Variants in RAD52 observed in about 807,000 individuals in gnomAD.
RAD52 encodes DNA repair protein RAD52 homolog.
Under a neutral mutation model 55.5 loss-of-function variants are expected in RAD52, and 47 were observed. The ratio of observed to expected loss-of-function variants is 0.85; its 90% confidence interval spans 0.67 to 1.08. The LOEUF is 1.08. RAD52 is among the 50% of genes least tolerant of loss of function. RAD52 has a pLI of 0.00. For missense variants in RAD52, 468 were observed against 522.8 expected (o/e 0.90, Z 1.02); for synonymous variants, 184 against 198.9 (o/e 0.92, Z 0.63).
upstream of RAD52, among the ~76,000 whole-genome samples, chr12:951,792 C>CT (rs1330208611): frequency 2.0e-5 from 3 of 151,682 alleles, no homozygotes; most frequent in Non-Finnish European, 4.4e-5. Context: ...TGATTTTAAC[C>CT]TTTTTTTGTT....
intron 1 of RAD52, 140 bp from the exon 2 acceptor site, chr12:933,216 T>C (rs1957433143): frequency 1.7e-6 from 1 of 582,308 alleles, no homozygotes; most frequent in African/African-American, 1.9e-5. Context: ...CCCAGCACTT[T>C]GGGAGGCCGA....
chr12:956,358 A>C (rs935129598), intron 1 of RAD52, among the ~76,000 whole-genome samples: 2 of 152,150 alleles, frequency 1.3e-5, no homozygotes, highest in Non-Finnish European at 2.9e-5. Flanking sequence ...ATAAGTTATT[A>C]ATCATTTTTA....
At chr12:988,074 G>A (rs1449227555) in intron 1 of RAD52, among the ~76,000 whole-genome samples, 1 of 152,120 alleles carries the variant, frequency 6.6e-6, no homozygotes, top group Non-Finnish European at 1.5e-5. Context: ...CCAGGATGAG[G>A]TAATACTTAC....
At chr12:976,328 A>AT (rs1368789507) in intron 1 of RAD52, 1 of 152,240 alleles carries the variant, frequency 6.6e-6, no homozygotes, top group Admixed American at 6.6e-5. Context: ...TCAAAAAAAA[A>AT]GCCCCAAACT....
chr12:946,183 G>A (rs1958219185), intron 1 of RAD52, among the ~76,000 whole-genome samples: 1 of 152,112 alleles, frequency 6.6e-6, no homozygotes, highest in African/African-American at 2.4e-5. Flanking sequence ...ATAGTATGAA[G>A]AGCATTTTAG....
intron 1 of RAD52, among the ~76,000 whole-genome samples, chr12:981,098 G>C (rs937908997): frequency 2.0e-5 from 3 of 151,980 alleles, no homozygotes; most frequent in African/African-American, 4.8e-5. Context: ...GGGAGGCTGA[G>C]GTGGGCAGAT....
Position 930,154 on chromosome 12 carries a change from CA to C in RAD52, c.187-11del. 6.3e-7 allele frequency: 1 copy of C among 1,594,948 alleles called. No individual in the cohort carries two copies. The highest frequency in any genetic ancestry group is 2.2e-5 in the East Asian group (1 of 44,718). ...CCTCAATGTAGCACACCTAGAAAAA[CA>C]AATGTTTTTAAGGAAAAGCTGTGTT... On this transcript the variant is annotated splice_polypyrimidine_tract_variant and intron_variant, in intron 3 of 11. Transcript: ENST00000358495.
At chr12:937,339 C>T (rs1034550313) in intron 1 of RAD52, among the ~76,000 whole-genome samples, 1 of 152,114 alleles carries the variant, frequency 6.6e-6, no homozygotes, top group Non-Finnish European at 1.5e-5. Flanking sequence ...ATAGCACATA[C>T]GCTCTTGCCT....
At chr12:926,853 C>T (rs766171758) in intron 6 of RAD52, 8 of 1,536,796 alleles carry the variant, frequency 5.2e-6, no homozygotes, top group South Asian at 1.2e-5. Flanking sequence ...TCTGTGCACT[C>T]GCAGTAGGAG....
chr12:975,342 A>G (rs1002836612), intron 1 of RAD52: 1 of 152,150 alleles, frequency 6.6e-6, no homozygotes, highest in Non-Finnish European at 1.5e-5. Context: ...CAATACAAAC[A>G]TTTATCAGGT....
Position 987,561 on chromosome 12 carries a change from C to CT in RAD52, c.-19+2247dup, listed in dbSNP as rs201062804. 8.3e-3 allele frequency among the ~76,000 whole-genome samples: 1,162 copies of CT among 139,936 alleles called. 7 individuals are homozygous for CT. Among genetic ancestry groups the CT allele is most frequent in the African/African-American group, 0.02 (783 of 38,410 alleles). 91.8% of individuals were successfully genotyped at this position (139,936 alleles called of 152,430 possible). ...CACCCCTTTGTATATTTATTGTTTTCTTTTTTTTTTTTTTCCTGAGACAGG... is the reference window on the plus strand; with the variant it reads ...CACCCCTTTGTATATTTATTGTTTTCTTTTTTTTTTTTTTTCCTGAGACAGG... On this transcript the variant is annotated intron_variant, in intron 1 of 11. Transcript: ENST00000430095.
chr12:918,632 A>G (rs1189467435), intron 7 of RAD52, among the ~76,000 whole-genome samples: 1 of 151,818 alleles, frequency 6.6e-6, no homozygotes, highest in African/African-American at 2.4e-5. Context: ...CTGGTCTCCA[A>G]CTCTTGGGCT....
At position 916,941 on chromosome 12, in the gene RAD52, T is replaced by G. The variant is rs931127631; in HGVS notation, c.544-121A>C. 4 of 1,361,364 alleles carry G rather than the reference T, an allele frequency of 2.9e-6. No homozygotes were observed. The African/African-American group carries it at 4.4e-5, about 15-fold the overall frequency. The allele number at this position is 1,361,364 out of a possible 1,614,324, so 84.3% of individuals were successfully genotyped here. A position where few individuals can be genotyped will look rare whatever the true frequency, so the allele number is the denominator to read the frequency against. On this transcript the variant is annotated intron_variant, in intron 7 of 11. Coordinates refer to ENST00000358495, the MANE Select transcript of RAD52 (RefSeq NM_134424.4). Reference sequence around the variant, plus strand: ...TTGACATCCTCCATCCATCACGCCTTCTAGGTCCTGTAACTCCATGAGCAG... The same window carrying G: ...TTGACATCCTCCATCCATCACGCCTGCTAGGTCCTGTAACTCCATGAGCAG...
intron 1 of RAD52, among the ~76,000 whole-genome samples, chr12:945,261 G>C (rs1958149456): frequency 6.6e-6 from 1 of 151,450 alleles, no homozygotes; most frequent in South Asian, 2.1e-4. Flanking sequence ...TAAGGCACAA[G>C]AATCGCTTGA....
At chr12:951,951 CT>C (rs900786192), upstream of RAD52, among the ~76,000 whole-genome samples, 12 of 151,096 alleles carry the variant, frequency 7.9e-5, no homozygotes, top group Non-Finnish European at 1.2e-4. Context: ...ATATTGTTTT[CT>C]TTTTTTTTAT....
chr12:932,853 C>T (rs1391785511), intron 2 of RAD52, 122 bp downstream of exon 2: 2 of 680,238 alleles, frequency 2.9e-6, no homozygotes, highest in Admixed American at 2.2e-5. Context: ...ACTGCTCACA[C>T]ACGTACTAGG....
At chr12:980,119 G>C (rs1958991835) in intron 1 of RAD52, among the ~76,000 whole-genome samples, 1 of 152,028 alleles carries the variant, frequency 6.6e-6, no homozygotes, top group African/African-American at 2.4e-5. Flanking sequence ...GAACCTGCGA[G>C]GCGGAGGTTG....
chr12:937,334 A>C (rs1400005129), intron 1 of RAD52, among the ~76,000 whole-genome samples: 1 of 151,872 alleles, frequency 6.6e-6, no homozygotes, highest in Non-Finnish European at 1.5e-5. Context: ...AAATAATAGC[A>C]CATACGCTCT....
rs1054088649 is a variant in RAD52 at position 946,754 on chromosome 12, G to A, written c.-19+2848C>T. 3.5e-4 allele frequency among the ~76,000 whole-genome samples: 53 copies of A among 152,200 alleles called. 1 individual carries two copies. The highest frequency in any genetic ancestry group is 9.2e-4 in the Admixed American group (14 of 15,272). On this transcript the variant is annotated intron_variant, in intron 1 of 11. Coordinates refer to ENST00000358495, the MANE Select transcript of RAD52 (RefSeq NM_134424.4). Reference sequence around the variant, plus strand: ...TTTAGAGCTGAAACAGGAAGGCAGAGTGTCACCTTATTTGAACATAGCTGG... The same window carrying A: ...TTTAGAGCTGAAACAGGAAGGCAGAATGTCACCTTATTTGAACATAGCTGG...
Sources: gnomAD v4.1 joint callset for allele counts (sites outside exome capture counted in the v4.1 genomes callset) on GRCh38, gnomAD v4.1.1 for gene constraint, MANE v1.5 for transcripts, NCBI Gene and HGNC (gene_info 2026-07-23, HGNC 2026-07-21) for gene names.